The following STX12 variants were observed in gnomAD, a reference collection of about 807,000 sequenced individuals.
STX12 encodes the protein syntaxin 12.
A neutral mutation model predicts 42.2 loss-of-function variants in STX12; 17 were observed. The ratio of observed to expected loss-of-function variants is 0.40; its 90% CI spans 0.28 to 0.60. The LOEUF is 0.60. STX12 is among the 20% of genes least tolerant of loss of function. STX12 has a pLI of 0.39. For synonymous variants in STX12, 108 were observed against 116.7 expected (o/e 0.93, Z 0.48); for missense variants, 297 against 330.9 (o/e 0.90, Z 0.79).
In STX12 at chr1:27,819,748, A is replaced by C. The variant is rs1474502177; in HGVS notation, c.732+16A>C. ...TTACTATCAGGTAAAAGCGGGTACC[A>C]AAGAAAGTCACTCTGTGTTGCAGAC... is the stretch of plus-strand genomic sequence containing the variant. On this transcript the variant is annotated intron_variant, in intron 8 of 8. Transcript: ENST00000373943. The C allele has an allele frequency of 1.2e-6, 2 of 1,610,990 alleles. No individual in the cohort carries two copies. Among genetic ancestry groups the C allele is most frequent in the African/African-American group, 2.7e-5 (2 of 74,852 alleles).
chr1:27,782,178 G>A (rs1034242845), intron 1 of STX12, among the ~76,000 whole-genome samples: 3 of 152,106 alleles, frequency 2.0e-5, no homozygotes, highest in Non-Finnish European at 4.4e-5. Flanking sequence ...TACCGTCATA[G>A]GTCACTGCAA....
rs574010706 is a variant in STX12 at position 27,791,691 on chromosome 1, T to C, written c.189-1842T>C. Among the ~76,000 whole-genome samples, 461 of 152,194 alleles carry C rather than the reference T, an allele frequency of 3.0e-3. 5 individuals are homozygous for C. The highest frequency in any genetic ancestry group is 0.01 in the African/African-American group (434 of 41,518). Reference sequence around the variant, plus strand: ...TTAGCCAGGCGTGGTGGCACGTGCCTGTAGTCCCAGCTACTTGGGAGGCTG... The same window carrying C: ...TTAGCCAGGCGTGGTGGCACGTGCCCGTAGTCCCAGCTACTTGGGAGGCTG... On this transcript the variant is annotated intron_variant, in intron 2 of 8. Coordinates refer to ENST00000373943, the MANE Select transcript of STX12 (RefSeq NM_177424.3).
chr1:27,819,265 T>C (rs1261132841), intron 7 of STX12, among the ~76,000 whole-genome samples: 1 of 130,302 alleles, frequency 7.7e-6, no homozygotes, highest in East Asian at 2.2e-4. Context: ...TGAGATCCCG[T>C]CTCTTAAAAA....
At chr1:27,792,257 G>GTATCTATATATATGTAT (rs1557801064) in intron 2 of STX12, among the ~76,000 whole-genome samples, 7 of 62,992 alleles carry the variant, frequency 1.1e-4, no homozygotes, top group African/African-American at 9.6e-4. Flanking sequence ...TATATATGTA[G>GTATCTATATATATGTAT]ATACATATAT....
chr1:27,773,227 C>G lies in STX12; in HGVS notation c.-81C>G. 1 of 912,390 alleles carries G rather than the reference C, an allele frequency of 1.1e-6. No homozygotes were observed. The highest frequency in any genetic ancestry group is 1.7e-6 in the Non-Finnish European group (1 of 580,750). 56.5% of individuals were successfully genotyped at this position (912,390 alleles called of 1,614,324 possible). A position where few individuals can be genotyped will look rare whatever the true frequency, so the allele number is the denominator to read the frequency against. ...TCCCCGCCCTTGCTCTTCCCAGTTT[C>G]TCCGTCAGCCTGCGGGTCCCGGCTG... On this transcript the variant is annotated 5_prime_UTR_variant, in exon 1 of 9. Transcript: ENST00000373943.
At chr1:27,804,393 T>G (rs987705678) in intron 4 of STX12, among the ~76,000 whole-genome samples, 4 of 151,076 alleles carry the variant, frequency 2.6e-5, no homozygotes, top group African/African-American at 9.8e-5. Flanking sequence ...ACCATTGCAC[T>G]CCAGCCTGGG....
intron 4 of STX12, among the ~76,000 whole-genome samples, chr1:27,806,007 A>G (rs988677072): frequency 3.9e-5 from 6 of 152,156 alleles, no homozygotes; most frequent in Non-Finnish European, 5.9e-5. Context: ...TTATAGCATC[A>G]TGTATTTATC....
intron 8 of STX12, among the ~76,000 whole-genome samples, chr1:27,821,165 A>G (rs923188038): frequency 2.6e-5 from 4 of 151,576 alleles, no homozygotes; most frequent in Admixed American, 2.6e-4. Flanking sequence ...CTTAACGTAT[A>G]ATTAAAAAAA....
chr1:27,782,664 C>A (rs1030742406), intron 1 of STX12, among the ~76,000 whole-genome samples: 1 of 151,996 alleles, frequency 6.6e-6, no homozygotes, highest in Non-Finnish European at 1.5e-5. Context: ...ATGGTGAAAC[C>A]CTGTTTACTA....
chr1:27,809,333 C>CAAAAAAAAAA (rs1208072414), intron 4 of STX12, among the ~76,000 whole-genome samples: 1 of 113,952 alleles, frequency 8.8e-6, no homozygotes. Context: ...GATTCCATCT[C>CAAAAAAAAAA]AAAAAAAAAA....
chr1:27,790,808 G>A (rs1416370534), intron 2 of STX12, among the ~76,000 whole-genome samples: 1 of 151,922 alleles, frequency 6.6e-6, no homozygotes, highest in Non-Finnish European at 1.5e-5. Context: ...TGGATGTGTG[G>A]CAGGCACCTG....
intron 4 of STX12, among the ~76,000 whole-genome samples, chr1:27,803,120 T>C (rs1557804068): frequency 1.3e-5 from 2 of 152,076 alleles, no homozygotes; most frequent in Non-Finnish European, 2.9e-5. Context: ...ACTGGAGTTA[T>C]AGAGTGAGAA....
In STX12 at chr1:27,809,343, A is replaced by G. The variant is rs1481953961; in HGVS notation, c.427-903A>G. Among the ~76,000 whole-genome samples the G allele has an allele frequency of 2.0e-5, 3 of 151,854 alleles. No homozygotes were observed. The East Asian group carries it at 5.8e-4, about 29-fold the overall frequency. On this transcript the variant is annotated intron_variant, in intron 4 of 8. Coordinates refer to ENST00000373943, the MANE Select transcript of STX12 (RefSeq NM_177424.3). ...AGTAAGATTCCATCTCAAAAAAAAA[A>G]AAAGAAAAGAAAAGAAAGGTTAGTT...
chr1:27,779,032 G>A (rs1557797233), intron 1 of STX12, among the ~76,000 whole-genome samples: 1 of 152,134 alleles, frequency 6.6e-6, no homozygotes, highest in African/African-American at 2.4e-5. Context: ...AGCAAGAAGA[G>A]TTGAACATTT....
chr1:27,813,384 CA>C (rs1334280142), intron 6 of STX12, among the ~76,000 whole-genome samples: 2 of 152,100 alleles, frequency 1.3e-5, no homozygotes, highest in Non-Finnish European at 2.9e-5. Context: ...CCATTTTGGC[CA>C]GGCTGGTCTT....
At chr1:27,797,965 C>T (rs756891128) in intron 3 of STX12, among the ~76,000 whole-genome samples, 4 of 151,998 alleles carry the variant, frequency 2.6e-5, no homozygotes, top group Admixed American at 1.3e-4. Context: ...TTGTCACTTA[C>T]TGTGTGATCC....
At chr1:27,773,774 G>T (rs950541975) in intron 1 of STX12, 2 of 236,418 alleles carry the variant, frequency 8.5e-6, no homozygotes, top group Non-Finnish European at 1.7e-5. Flanking sequence ...AGTTTCTCCT[G>T]TCACCCACCT....
chr1:27,783,900 C>T (rs2088684169), intron 1 of STX12, among the ~76,000 whole-genome samples: 1 of 151,862 alleles, frequency 6.6e-6, no homozygotes, highest in African/African-American at 2.4e-5. Context: ...ATCACTTGGC[C>T]AAGCGTGGTG....
At chr1:27,796,778 T>C (rs1289523652) in intron 3 of STX12, among the ~76,000 whole-genome samples, 1 of 151,192 alleles carries the variant, frequency 6.6e-6, no homozygotes, top group Non-Finnish European at 1.5e-5. Context: ...CAATCTCGGC[T>C]CACCACAACT....
Sources: gnomAD v4.1 joint callset for allele counts (sites outside exome capture counted in the v4.1 genomes callset) on GRCh38, gnomAD v4.1.1 for gene constraint, MANE v1.5 for transcripts, NCBI Gene and HGNC (gene_info 2026-07-23, HGNC 2026-07-21) for gene names.